Variants in UCK2 observed in about 807,000 individuals in gnomAD.
UCK2 encodes cytidine monophosphokinase 2.
UCK2 carries 6 observed loss-of-function variants against 30.8 expected under a neutral mutation model. The observed-to-expected ratio is 0.19, with a 90% CI of 0.11 to 0.38. The LOEUF (loss-of-function observed/expected upper bound fraction) is 0.38, where lower values mean the gene tolerates loss of function less well. Among genes scored for constraint, UCK2 ranks in the 10% least tolerant of loss-of-function variants. The probability of loss-of-function intolerance (pLI) is 1.00; values close to 1 mark genes in which losing one functional copy is unlikely to be tolerated. For missense variants in UCK2, 210 were observed against 339.8 expected, an observed-to-expected ratio of 0.62 and a Z score of 3.00; for synonymous variants, 125 against 133.6, an observed-to-expected ratio of 0.94 and a Z score of 0.45.
At chr1:165,903,756 T>G (rs1195657015) in intron 5 of UCK2, among the ~76,000 whole-genome samples, 4 of 152,216 alleles carry the variant, frequency 2.6e-5, no homozygotes, top group African/African-American at 9.6e-5. Context: ...AGCTCCCATT[T>G]GGAGACTGTC....
intron 1 of UCK2, among the ~76,000 whole-genome samples, chr1:165,844,624 C>T (rs1244459321): frequency 2.6e-5 from 4 of 152,158 alleles, no homozygotes; most frequent in South Asian, 2.1e-4. Context: ...GGGAACGAAC[C>T]GCGTGATTAC....
rs145035809 is a variant in UCK2 at position 165,838,733 on chromosome 1, G to C, written c.99+10801G>C. On this transcript the variant is annotated intron_variant, in intron 1 of 6. Coordinates refer to ENST00000367879, the MANE Select transcript of UCK2 (RefSeq NM_012474.5). ...GTAAGTGTGCATGCTAGATGGCTTAGGTGCCTGTTTAGTGGTGCATTAAAA... is the reference window on the plus strand; with the variant it reads ...GTAAGTGTGCATGCTAGATGGCTTACGTGCCTGTTTAGTGGTGCATTAAAA... Among the ~76,000 whole-genome samples the C allele has an allele frequency of 1.2e-3, 189 of 151,810 alleles. 2 individuals are homozygous for C. The highest frequency in any genetic ancestry group is 4.4e-3 in the African/African-American group (184 of 41,398).
At chr1:165,837,744 T>C (rs1475280896) in intron 1 of UCK2, among the ~76,000 whole-genome samples, 2 of 152,178 alleles carry the variant, frequency 1.3e-5, no homozygotes, top group African/African-American at 2.4e-5. Context: ...GATGAGGAGG[T>C]TCTCAAATGT....
At position 165,841,856 on chromosome 1, in the gene UCK2, C is replaced by T. The variant is rs78638006; in HGVS notation, c.99+13924C>T. Among the ~76,000 whole-genome samples the T allele has an allele frequency of 9.9e-4, 151 of 152,304 alleles. No homozygotes were observed. In the East Asian group the frequency reaches 0.028, roughly 28 times the overall value. ...GTTTACACCTCTAGATTCCAGGATC[C>T]TGCAGTGTCAGTTATCCCTCTTGTG... is the stretch of plus-strand genomic sequence containing the variant. On this transcript the variant is annotated intron_variant, in intron 1 of 6. Coordinates refer to ENST00000367879, the MANE Select transcript of UCK2 (RefSeq NM_012474.5).
intron 1 of UCK2, among the ~76,000 whole-genome samples, chr1:165,841,447 A>T (rs2101852341): frequency 6.6e-6 from 1 of 152,152 alleles, no homozygotes; most frequent in Admixed American, 6.5e-5. Flanking sequence ...AGCCTCCCAA[A>T]GTGCTGGGGA....
chr1:165,835,236 A>G (rs796374948), intron 1 of UCK2, among the ~76,000 whole-genome samples: 11 of 152,288 alleles, frequency 7.2e-5, no homozygotes, highest in African/African-American at 2.6e-4. Flanking sequence ...ATTTTGGACT[A>G]TGGTCTAAAA....
intron 1 of UCK2, among the ~76,000 whole-genome samples, chr1:165,869,047 C>A (rs184525872): frequency 9.7e-4 from 147 of 152,150 alleles, no homozygotes; most frequent in African/African-American, 3.4e-3. Context: ...TAGGGAGGCC[C>A]AAGAAGAGGG....
intron 1 of UCK2, among the ~76,000 whole-genome samples, chr1:165,867,297 C>T (rs1390390379): frequency 6.6e-6 from 1 of 152,150 alleles, no homozygotes; most frequent in Non-Finnish European, 1.5e-5. Context: ...GTGGCTATTG[C>T]AATTTCTTAA....
In UCK2 at chr1:165,851,882, G is replaced by A. The variant is rs569062641; in HGVS notation, c.99+23950G>A. ...CCTGTGTTAGTTTGCTGAGGATGAT[G>A]GCTTCCAGCTTCACCCATGTCCCTG... On this transcript the variant is annotated intron_variant, in intron 1 of 6. Coordinates refer to ENST00000367879, the MANE Select transcript of UCK2 (RefSeq NM_012474.5). 9.5e-4 allele frequency among the ~76,000 whole-genome samples: 145 copies of A among 152,232 alleles called. 1 individual carries two copies. Among genetic ancestry groups the A allele is most frequent in the Non-Finnish European group, 1.8e-3 (124 of 68,024 alleles).
At chr1:165,863,821 G>C (rs1007028847) in intron 1 of UCK2, among the ~76,000 whole-genome samples, 3 of 152,196 alleles carry the variant, frequency 2.0e-5, no homozygotes, top group African/African-American at 2.4e-5. Flanking sequence ...TTTACAGACT[G>C]ATTTGGTTTG....
chr1:165,880,256 C>T (rs190204504), intron 1 of UCK2, among the ~76,000 whole-genome samples: 15 of 152,312 alleles, frequency 9.8e-5, no homozygotes, highest in Admixed American at 3.9e-4. Flanking sequence ...TCAGTTCTTT[C>T]TTTCAGTCCA....
At chr1:165,889,762 G>A (rs572916697) in intron 1 of UCK2, among the ~76,000 whole-genome samples, 2 of 150,246 alleles carry the variant, frequency 1.3e-5, no homozygotes, top group South Asian at 4.2e-4. Context: ...TGTCACAGAG[G>A]TTTGTTATAC....
chr1:165,828,533 C>T (rs1190054676), intron 1 of UCK2, among the ~76,000 whole-genome samples: 1 of 152,186 alleles, frequency 6.6e-6, no homozygotes, highest in African/African-American at 2.4e-5. Context: ...AAATAGGTGC[C>T]GTGACATCAA....
At chr1:165,848,884 T>G (rs1017096799) in intron 1 of UCK2, among the ~76,000 whole-genome samples, 1 of 152,050 alleles carries the variant, frequency 6.6e-6, no homozygotes, top group African/African-American at 2.4e-5. Flanking sequence ...AGGAAAGCAC[T>G]CAGATGGGAC....
chr1:165,858,173 A>G (rs935876379), intron 1 of UCK2, among the ~76,000 whole-genome samples: 3 of 152,220 alleles, frequency 2.0e-5, no homozygotes, highest in African/African-American at 2.4e-5. Flanking sequence ...TGCAAGATGC[A>G]TCTTAAAGAT....
intron 1 of UCK2, among the ~76,000 whole-genome samples, chr1:165,869,800 C>T (rs919823588): frequency 2.6e-5 from 4 of 151,110 alleles, no homozygotes; most frequent in African/African-American, 7.3e-5. Context: ...GGATTATAGG[C>T]GTGAGCCACC....
intron 1 of UCK2, among the ~76,000 whole-genome samples, chr1:165,887,210 G>T (rs1282740782): frequency 1.3e-5 from 2 of 152,228 alleles, no homozygotes; most frequent in Admixed American, 6.5e-5. Context: ...CAGTGGTAGT[G>T]TGTTTGTGGA....
At chr1:165,866,868 A>G (rs1655058045) in intron 1 of UCK2, among the ~76,000 whole-genome samples, 2 of 152,218 alleles carry the variant, frequency 1.3e-5, no homozygotes, top group Admixed American at 1.3e-4. Flanking sequence ...GTATCATTGT[A>G]TGTATATATC....
chr1:165,849,359 A>C (rs952515212), intron 1 of UCK2, among the ~76,000 whole-genome samples: 1 of 152,272 alleles, frequency 6.6e-6, no homozygotes, highest in Middle Eastern at 3.4e-3. Flanking sequence ...GTCTCTATGT[A>C]GTGCTTGGCA....
Sources: allele counts gnomAD v4.1 joint callset (sites outside exome capture counted in the v4.1 genomes callset), GRCh38; gene constraint gnomAD v4.1.1; transcripts MANE v1.5; gene names NCBI Gene and HGNC (gene_info 2026-07-23, HGNC 2026-07-21).